OTOP3: variants seen among roughly 807,000 people sequenced by gnomAD.
OTOP3 encodes otopetrin 3.
A neutral mutation model predicts 50.8 loss-of-function variants in OTOP3; 41 were observed. That is an observed-to-expected ratio of 0.81 (90% CI 0.63 to 1.05). The LOEUF (loss-of-function observed/expected upper bound fraction) is 1.05. Among genes scored for constraint, OTOP3 ranks in the 50% least tolerant of loss-of-function variants. The pLI is 0.00. For synonymous variants in OTOP3, 320 were observed against 324.4 expected (o/e 0.99, Z 0.14); for missense variants, 788 against 760.8 (o/e 1.04, Z -0.42).
At chr17:74,944,692 G>A (rs941846641) in intron 5 of OTOP3, among the ~76,000 whole-genome samples, 1 of 152,288 alleles carries the variant, frequency 6.6e-6, no homozygotes, top group Middle Eastern at 3.4e-3. Context: ...GGGAGGCGGA[G>A]GTTGCGGTAA....
At chr17:74,940,762 C>T (rs1708310397) in intron 1 of OTOP3, among the ~76,000 whole-genome samples, 2 of 152,176 alleles carry the variant, frequency 1.3e-5, no homozygotes, top group Admixed American at 6.5e-5. Context: ...CGAAACTGCT[C>T]CCTGGTGCCA....
At position 74,943,721 on chromosome 17, in the gene OTOP3, A is replaced by G. The variant is rs149886953; in HGVS notation, c.748A>G (p.Thr250Ala). 7.5e-6 allele frequency: 12 copies of G among 1,604,434 alleles called. No individual in the cohort carries two copies. In the African/African-American group the frequency reaches 1.3e-4, roughly 18 times the overall value. Reference sequence around the variant, plus strand: ...GCTTGGCATCCTCATGGAAAAATCCACAGGTATGGAAAGGAGACCAGGTCT... The same window carrying G: ...GCTTGGCATCCTCATGGAAAAATCCGCAGGTATGGAAAGGAGACCAGGTCT... ...AELGILMEKS[T>A]GNETNTCLCL... is the part of the protein sequence containing the mutation. The change falls in exon 5 of 7, where the codon ACA becomes GCA. Residue 250 changes from threonine (T) to alanine (A), a missense_variant. Physicochemically the swap from Thr to Ala is moderately conservative, Grantham distance 58. Coordinates refer to ENST00000328801, the MANE Select transcript of OTOP3 (RefSeq NM_001272005.2).
At chr17:74,945,399 T>C (rs1412420559) in intron 5 of OTOP3, among the ~76,000 whole-genome samples, 1 of 152,220 alleles carries the variant, frequency 6.6e-6, no homozygotes, top group African/African-American at 2.4e-5. Flanking sequence ...AAATGTCTTT[T>C]ACAGACGGTT....
intron 3 of OTOP3, 101 bp from the exon 4 acceptor site, chr17:74,943,185 C>A (rs1169304766): frequency 2.9e-6 from 3 of 1,039,004 alleles, no homozygotes; most frequent in East Asian, 4.7e-5. Context: ...AGTCTTTCTC[C>A]CTGTGTCTTT....
At position 74,949,643 on chromosome 17, in the gene OTOP3, GCCTGCCCCCTGCCTT is replaced by G; in HGVS notation, c.*230_*244del. On this transcript the variant is annotated 3_prime_UTR_variant, in exon 7 of 7. Coordinates refer to ENST00000328801, the MANE Select transcript of OTOP3 (RefSeq NM_001272005.2). ...TGCCCACGGCCAGGCCTGGGCACATGCCTGCCCCCTGCCTTCCCACCACGATCCGCAAGCCAAGGG... is the reference window on the plus strand; with the variant it reads ...TGCCCACGGCCAGGCCTGGGCACATGCCCACCACGATCCGCAAGCCAAGGG... 2 of 539,244 alleles carry G rather than the reference GCCTGCCCCCTGCCTT, an allele frequency of 3.7e-6. No homozygotes were observed. Among genetic ancestry groups the G allele is most frequent in the Admixed American group, 7.0e-5 (2 of 28,682 alleles). 33.4% of individuals were successfully genotyped at this position (539,244 alleles called of 1,614,324 possible). A position where few individuals can be genotyped will look rare whatever the true frequency, so the allele number is the denominator to read the frequency against.
chr17:74,944,888 A>G (rs2039210813), intron 5 of OTOP3, among the ~76,000 whole-genome samples: 1 of 152,226 alleles, frequency 6.6e-6, no homozygotes, highest in South Asian at 2.1e-4. Flanking sequence ...TACTTAAATT[A>G]CAGAAATCAT....
chr17:74,936,454 T>C (rs2039115861), intron 1 of OTOP3, among the ~76,000 whole-genome samples: 1 of 152,056 alleles, frequency 6.6e-6, no homozygotes. Flanking sequence ...ACCAGTCCAG[T>C]GTCCCGGCCC....
rs1380673936 is a variant in OTOP3 at position 74,946,674 on chromosome 17, C to T, written c.765C>T (p.Asn255=). 1 of 1,608,450 alleles carries T rather than the reference C, an allele frequency of 6.2e-7. No individual in the cohort carries two copies. Among genetic ancestry groups the T allele is most frequent in the South Asian group, 1.1e-5 (1 of 90,898 alleles). Residue 255 remains asparagine, a synonymous_variant, in exon 6 of 7, where the codon AAC becomes AAT. Coordinates refer to ENST00000328801, the MANE Select transcript of OTOP3 (RefSeq NM_001272005.2). The stretch of plus-strand genomic sequence containing the variant: ...CCTCCCTCCCAGGCAATGAGACCAA[C>T]ACCTGTCTGTGCCTCAATGCCACCG... ...LMEKSTGNET[N]TCLCLNATAC...
Position 74,943,414 on chromosome 17 carries a change from C to T in OTOP3, c.632+70C>T. Reference sequence around the variant, plus strand: ...CCCACCACTTCCCTGGTCAGGGTGGCCGCGGGGCTATAGGTTAGTCTGGGA... The same window carrying T: ...CCCACCACTTCCCTGGTCAGGGTGGTCGCGGGGCTATAGGTTAGTCTGGGA... On this transcript the variant is annotated intron_variant, in intron 4 of 6. Coordinates refer to ENST00000328801, the MANE Select transcript of OTOP3 (RefSeq NM_001272005.2). The T allele has an allele frequency of 1.9e-6, 3 of 1,541,982 alleles. No homozygotes were observed. In the African/African-American group the frequency reaches 4.1e-5, roughly 21 times the overall value.
intron 5 of OTOP3, among the ~76,000 whole-genome samples, chr17:74,944,085 A>C (rs2144785346): frequency 6.6e-6 from 1 of 152,256 alleles, no homozygotes; most frequent in East Asian, 1.9e-4. Flanking sequence ...TGAAAGGAAT[A>C]TCTTCCTAAC....
In OTOP3 at chr17:74,941,575, G is replaced by A. The variant is rs773800453; in HGVS notation, c.202G>A (p.Ala68Thr). 1.1e-5 allele frequency: 17 copies of A among 1,611,794 alleles called. No homozygotes were observed. Among genetic ancestry groups the A allele is most frequent in the Non-Finnish European group, 1.4e-5 (16 of 1,178,550 alleles). Residue 68 changes from alanine to threonine, a missense_variant, in exon 2 of 7, where the codon GCT becomes ACT. Transcript: ENST00000328801. Reference sequence around the variant, plus strand: ...GCGGCGGGACCGGCAGGCCCAGAAGGCTGGACAACTCTTCTCGGGGCTCCT... The same window carrying A: ...GCGGCGGGACCGGCAGGCCCAGAAGACTGGACAACTCTTCTCGGGGCTCCT... ...LLRRDRQAQK[A>T]GQLFSGLLAL...
rs941721558 is a variant in OTOP3, at chr17:74,946,725, C to G, written c.816C>G (p.Phe272Leu). The change falls in exon 6 of 7, where the codon TTC (phenylalanine) becomes TTG (leucine). Residue 272 changes from phenylalanine (F) to leucine (L), a missense_variant. Phe to Leu is a conservative substitution (Grantham distance 22, BLOSUM62 0). Transcript: ENST00000328801. ...CGTGTGAAGCTTTCCGGAGAGGCTT[C>G]CTGATGCTCTACCCCTTCAGCACTG... ...ATACEAFRRGFLMLYPFSTEY... is the reference protein window; with the variant it reads ...ATACEAFRRGLLMLYPFSTEY... 1.2e-5 allele frequency: 19 copies of G among 1,613,296 alleles called. No homozygotes were observed. The highest frequency in any genetic ancestry group is 1.6e-5 in the Non-Finnish European group (19 of 1,179,970).
chr17:74,939,327 G>A (rs2039148490), intron 1 of OTOP3, among the ~76,000 whole-genome samples: 1 of 152,154 alleles, frequency 6.6e-6, no homozygotes, highest in Admixed American at 6.5e-5. Flanking sequence ...CTGAGATTGT[G>A]ACATTAGGAA....
rs1423216283 is a variant in OTOP3 at position 74,946,801 on chromosome 17, G to A, written c.892G>A (p.Gly298Ser). The stretch of plus-strand genomic sequence containing the variant: ...GCTGTTTGTCATGTGGAAGAACGTG[G>A]GCCGCCACGTGGCACCCCACATGGG... ...AVLFVMWKNV[G>S]RHVAPHMGAH... The change falls in exon 6 of 7, where the codon GGC (glycine) becomes AGC (serine). Residue 298 changes from glycine to serine, a missense_variant. By Grantham distance (56) the Gly-to-Ser change is moderately conservative (BLOSUM62 0). Coordinates refer to ENST00000328801, the MANE Select transcript of OTOP3 (RefSeq NM_001272005.2). 2 of 1,611,976 alleles carry A rather than the reference G, an allele frequency of 1.2e-6. No individual in the cohort carries two copies. The highest frequency in any genetic ancestry group is 2.2e-5 in the East Asian group (1 of 44,864).
intron 1 of OTOP3, among the ~76,000 whole-genome samples, chr17:74,940,207 A>G (rs2039158366): frequency 8.4e-6 from 1 of 119,022 alleles, no homozygotes; most frequent in Non-Finnish European, 1.7e-5. Context: ...GTGTCTTCCT[A>G]TGTTAGCCAG....
intron 3 of OTOP3, 102 bp downstream of exon 3, chr17:74,942,139 C>T (rs542750029): frequency 1.4e-6 from 2 of 1,406,924 alleles, no homozygotes; most frequent in Admixed American, 4.5e-5. Context: ...GCCACACAGG[C>T]AAATACCTAA....
intron 1 of OTOP3, among the ~76,000 whole-genome samples, chr17:74,937,638 G>A (rs1179591275): frequency 6.6e-6 from 1 of 152,158 alleles, no homozygotes; most frequent in Admixed American, 6.5e-5. Context: ...AGAGTTTAAT[G>A]GGAAGGGTCT....
chr17:74,936,001 T>C, intron 1 of OTOP3, 61 bp downstream of exon 1: 1 of 1,532,254 alleles, frequency 6.5e-7, no homozygotes, highest in Non-Finnish European at 8.7e-7. Flanking sequence ...TGGCACATAC[T>C]ACCCACCCCC....
intron 3 of OTOP3, 68 bp from the exon 4 acceptor site, chr17:74,943,218 C>T (rs953216939): frequency 7.2e-7 from 1 of 1,397,968 alleles, no homozygotes; most frequent in African/African-American, 1.4e-5. Flanking sequence ...ACGCATGCGC[C>T]CCAGGAACTC....
Sources: allele counts gnomAD v4.1 joint callset (sites outside exome capture counted in the v4.1 genomes callset), GRCh38; gene constraint gnomAD v4.1.1; transcripts MANE v1.5; gene names NCBI Gene and HGNC (gene_info 2026-07-23, HGNC 2026-07-21).